SEC61A2: variants seen among roughly 807,000 people sequenced by gnomAD.
SEC61A2 encodes protein transport protein Sec61 subunit alpha isoform 2.
In SEC61A2, 28 loss-of-function variants were observed where a neutral mutation model predicts 59.9. The ratio of observed to expected loss-of-function variants is 0.47; its 90% confidence interval spans 0.35 to 0.64. The LOEUF is 0.64. Ranked by LOEUF, SEC61A2 falls within the 30% of genes least tolerant of loss-of-function variation. SEC61A2 has a pLI of 0.01. For missense variants in SEC61A2, 340 were observed against 585.9 expected, an observed-to-expected ratio of 0.58 and a Z score of 4.33; for synonymous variants, 202 against 214.4, an observed-to-expected ratio of 0.94 and a Z score of 0.50.
chr10:12,167,931 G>T, downstream of SEC61A2: 1 of 1,446,358 alleles, frequency 6.9e-7, no homozygotes, highest in Non-Finnish European at 9.0e-7. Context: ...AGATGCTGGT[G>T]ATAACGTTTT....
rs1018063799 is a variant in SEC61A2 at position 12,152,837 on chromosome 10, C to T, written c.462+2876C>T. The stretch of plus-strand genomic sequence containing the variant: ...CGGAGGTTGCAGTGAGCTGAGATTG[C>T]ACCACTGCACTCCAGCCTGGCGACA... On this transcript the variant is annotated intron_variant, in intron 6 of 11. Coordinates refer to ENST00000298428, the MANE Select transcript of SEC61A2 (RefSeq NM_018144.4). The surrounding 1 kb of genome is among the most constrained non-coding windows in gnomAD (Gnocchi z 5.5). Among the ~76,000 whole-genome samples the T allele has an allele frequency of 9.2e-5, 14 of 151,950 alleles. 1 individual carries two copies. Among genetic ancestry groups the T allele is most frequent in the African/African-American group, 3.4e-4 (14 of 41,348 alleles).
Position 12,156,948 on chromosome 10 carries a change from T to C in SEC61A2, c.658T>C (p.Leu220=). Residue 220 remains leucine (L), a synonymous_variant, in exon 8 of 12, where the codon TTG becomes CTG. Coordinates refer to ENST00000298428, the MANE Select transcript of SEC61A2 (RefSeq NM_018144.4). The surrounding 1 kb of genome is among the most constrained non-coding windows in gnomAD (Gnocchi z 5.2). ...TGCAGTCATAGCTCTGTTCCATTTG[T>C]TGGCCACCAGGACGGACAAAGTCCG... ...EGAVIALFHL[L]ATRTDKVRAL... 6.2e-7 allele frequency: 1 copy of C among 1,614,014 alleles called. No homozygotes were observed. The highest frequency in any genetic ancestry group is 8.5e-7 in the Non-Finnish European group (1 of 1,179,906).
rs918963575 is a variant in SEC61A2, at chr10:12,152,420, C to G, written c.462+2459C>G. Among the ~76,000 whole-genome samples the G allele has an allele frequency of 1.2e-4, 18 of 152,292 alleles. No individual in the cohort carries two copies. Among genetic ancestry groups the G allele is most frequent in the African/African-American group, 4.3e-4 (18 of 41,564 alleles). On this transcript the variant is annotated intron_variant, in intron 6 of 11. Transcript: ENST00000298428. The surrounding 1 kb of genome is among the most constrained non-coding windows in gnomAD (Gnocchi z 5.5). ...TAATGAAAATCAGGTTATTTGGAAG[C>G]TTTCTGATCCCCAGTGTGTTCGCAT...
At position 12,156,358 on chromosome 10, in the gene SEC61A2, C is replaced by T. The variant is rs1281679964; in HGVS notation, c.616+427C>T. 6.6e-6 allele frequency among the ~76,000 whole-genome samples: 1 copy of T among 152,202 alleles called. No homozygotes were observed. The highest frequency in any genetic ancestry group is 6.5e-5 in the Admixed American group (1 of 15,284). On this transcript the variant is annotated intron_variant, in intron 7 of 11. Transcript: ENST00000298428. This position sits in a 1 kb window ranked among gnomAD's most constrained non-coding sequence, Gnocchi z 5.2. ...GCTCTTCTAATTGGCTTTGTAATAG[C>T]ACCAAAGTTTTGAAATATTTCATTC...
At chr10:12,169,940 T>C, downstream of SEC61A2, 1 of 590,022 alleles carries the variant, frequency 1.7e-6, no homozygotes, top group South Asian at 2.3e-5. The surrounding 1 kb of genome is among the most constrained non-coding windows in gnomAD (Gnocchi z 4.8). Context: ...TTATACCCAA[T>C]AAAATATTCC....
chr10:12,168,373 A>T (rs1192700136), downstream of SEC61A2, among the ~76,000 whole-genome samples: 1 of 152,186 alleles, frequency 6.6e-6, no homozygotes, highest in East Asian at 1.9e-4. The surrounding 1 kb of genome is among the most constrained non-coding windows in gnomAD (Gnocchi z 4.8). Flanking sequence ...GTATAGAGCC[A>T]ATCGCTATAC....
At position 12,158,187 on chromosome 10, in the gene SEC61A2, AC is replaced by A. The variant is rs1834450577; in HGVS notation, c.975+83del. ...TTGTATTTTTAATGGAATGAGGTCG[AC>A]ATTGGAGCATTTGCTGTATTTTCAG... On this transcript the variant is annotated intron_variant, in intron 9 of 11. Coordinates refer to ENST00000298428, the MANE Select transcript of SEC61A2 (RefSeq NM_018144.4). The surrounding 1 kb of genome is among the most constrained non-coding windows in gnomAD (Gnocchi z 5.7). The A allele has an allele frequency of 3.7e-6, 4 of 1,082,688 alleles. No individual in the cohort carries two copies. Among genetic ancestry groups the A allele is most frequent in the Admixed American group, 2.2e-5 (1 of 45,656 alleles). 67.1% of individuals were successfully genotyped at this position (1,082,688 alleles called of 1,614,324 possible). A position where few individuals can be genotyped will look rare whatever the true frequency, so the allele number is the denominator to read the frequency against.
intron 11 of SEC61A2, among the ~76,000 whole-genome samples, chr10:12,163,472 G>A (rs1290946483): frequency 2.6e-5 from 4 of 151,732 alleles, no homozygotes; most frequent in South Asian, 2.1e-4. Flanking sequence ...TTACAGGCAC[G>A]CACCACCATG....
chr10:12,156,988 C>A lies in SEC61A2; in HGVS notation c.698C>A (p.Ala233Asp). 6.2e-7 allele frequency: 1 copy of A among 1,614,000 alleles called. No individual in the cohort carries two copies. The highest frequency in any genetic ancestry group is 8.5e-7 in the Non-Finnish European group (1 of 1,179,928). ...RTDKVRALREAFYRQNLPNLM... is the reference protein window; with the variant it reads ...RTDKVRALREDFYRQNLPNLM... ...GACAAAGTCCGAGCTTTACGGGAGG[C>A]TTTTTATCGGCAGAACTTACCCAAT... The change falls in exon 8 of 12, where the codon GCT becomes GAT. Residue 233 changes from alanine to aspartate, a missense_variant. Physicochemically the swap from Ala to Asp is moderately radical, Grantham distance 126. Around this residue, in one of 3 missense-constraint regions of SEC61A2, gnomAD observed 283 missense variants for 483.2 expected, o/e 0.59. Coordinates refer to ENST00000298428, the MANE Select transcript of SEC61A2 (RefSeq NM_018144.4). The surrounding 1 kb of genome is among the most constrained non-coding windows in gnomAD (Gnocchi z 5.2).
chr10:12,137,755 C>T (rs1833920610), intron 3 of SEC61A2, among the ~76,000 whole-genome samples: 1 of 151,604 alleles, frequency 6.6e-6, no homozygotes, highest in African/African-American at 2.4e-5. Flanking sequence ...GCCTGTAATC[C>T]CAGCACTTTG....
chr10:12,143,224 C>G lies in SEC61A2; in HGVS notation c.220+29C>G, dbSNP rs754942084. The G allele has an allele frequency of 6.9e-7, 1 of 1,445,702 alleles. No homozygotes were observed. 89.6% of individuals were successfully genotyped at this position (1,445,702 alleles called of 1,614,324 possible). On this transcript the variant is annotated intron_variant, in intron 4 of 11. Transcript: ENST00000298428. The surrounding 1 kb of genome is among the most constrained non-coding windows in gnomAD (Gnocchi z 4.8). ...TGCGTGTCTTTTCTGTCTCCACACT[C>G]CTACTCACAGCAAACAGATGGAAAC...
In SEC61A2 at chr10:12,143,177, ATTCTGGC is replaced by A; in HGVS notation, c.206_212del (p.Leu69ProfsTer6). ...AGATCCTTTCTACTGGATGAGAGTT[ATTCTGGC>A]TTCCAATAGAGGTATGCGTGTCTTT... On this transcript the variant is annotated frameshift_variant, in exon 4 of 12. Transcript: ENST00000298428. LOFTEE classifies it high-confidence loss of function. The surrounding 1 kb of genome is among the most constrained non-coding windows in gnomAD (Gnocchi z 4.8). 6.2e-7 allele frequency: 1 copy of A among 1,612,156 alleles called. No homozygotes were observed. The highest frequency in any genetic ancestry group is 1.7e-5 in the Admixed American group (1 of 60,022).
At chr10:12,169,266 T>C, downstream of SEC61A2, 1 of 1,549,714 alleles carries the variant, frequency 6.5e-7, no homozygotes, top group Non-Finnish European at 8.7e-7. The surrounding 1 kb of genome is among the most constrained non-coding windows in gnomAD (Gnocchi z 4.8). Flanking sequence ...AGACCAAAAG[T>C]GAAGTTAAGA....
intron 1 of SEC61A2, 33 bp from the exon 2 acceptor site, chr10:12,133,208 T>A: frequency 9.3e-7 from 1 of 1,076,100 alleles, no homozygotes; most frequent in Non-Finnish European, 1.4e-6. Context: ...AACTTCATAA[T>A]AATAGGAACA....
chr10:12,148,009 C>T (rs1454529231), intron 4 of SEC61A2, among the ~76,000 whole-genome samples: 3 of 151,012 alleles, frequency 2.0e-5, no homozygotes, highest in South Asian at 2.1e-4. Context: ...GGCACGATCT[C>T]GGCTCACTGC....
At chr10:12,150,319 G>T (rs1564412514) in intron 6 of SEC61A2, among the ~76,000 whole-genome samples, 1 of 152,180 alleles carries the variant, frequency 6.6e-6, no homozygotes, top group Admixed American at 6.5e-5. Flanking sequence ...TTCCACTTGC[G>T]GTCTGCCAGG....
chr10:12,161,695 C>A lies in SEC61A2; in HGVS notation c.1168-518C>A, dbSNP rs932883640. Among the ~76,000 whole-genome samples the A allele has an allele frequency of 6.6e-5, 10 of 152,036 alleles. No homozygotes were observed. Among genetic ancestry groups the A allele is most frequent in the African/African-American group, 2.2e-4 (9 of 41,402 alleles). On this transcript the variant is annotated intron_variant, in intron 10 of 11. Transcript: ENST00000298428. The surrounding 1 kb of genome is among the most constrained non-coding windows in gnomAD (Gnocchi z 5.4). The stretch of plus-strand genomic sequence containing the variant: ...GTCGGAGGTTGCAGTGAGCTGAGAT[C>A]GTGCCACTGAACTCCAGCCTGGCGA...
intron 3 of SEC61A2, among the ~76,000 whole-genome samples, chr10:12,141,960 G>C (rs1017745803): frequency 6.6e-6 from 1 of 152,196 alleles, no homozygotes; most frequent in African/African-American, 2.4e-5. Context: ...ACAGACAGAA[G>C]CATAGTTTGG....
rs931096754 is a variant in SEC61A2, at chr10:12,160,345, CT to C, written c.976-584del. ...CAACTAAAAATTGGTTTCTCACCCC[CT>C]ATCTGTATACCCCAAAACTTTATTT... On this transcript the variant is annotated intron_variant, in intron 9 of 11. Coordinates refer to ENST00000298428, the MANE Select transcript of SEC61A2 (RefSeq NM_018144.4). This position sits in a 1 kb window ranked among gnomAD's most constrained non-coding sequence, Gnocchi z 4.1. Among the ~76,000 whole-genome samples, 64 of 152,268 alleles carry C rather than the reference CT, an allele frequency of 4.2e-4. No homozygotes were observed. The highest frequency in any genetic ancestry group is 3.4e-3 in the Middle Eastern group (1 of 294).
Sources: gnomAD v4.1 joint callset for allele counts (sites outside exome capture counted in the v4.1 genomes callset) on GRCh38, gnomAD v4.1.1 for gene constraint, gnomAD v4.1.1 regional missense constraint, Gnocchi (gnomAD v3.1) non-coding constraint, MANE v1.5 for transcripts, NCBI Gene and HGNC (gene_info 2026-07-23, HGNC 2026-07-21) for gene names.